KIAA1217: variants seen among roughly 807,000 people sequenced by gnomAD.
The protein encoded by KIAA1217 is KIAA1217.
Under a neutral mutation model 163.9 loss-of-function variants are expected in KIAA1217, and 88 were observed. The ratio of observed to expected loss-of-function variants is 0.54; its 90% CI spans 0.45 to 0.64. The LOEUF is 0.64. Among genes scored for constraint, KIAA1217 ranks in the 30% least tolerant of loss-of-function variants. The probability of loss-of-function intolerance (pLI) is 0.00; values close to 1 mark genes in which losing one functional copy is unlikely to be tolerated. For missense variants in KIAA1217, 2,372 were observed against 2,475.0 expected (o/e 0.96, Z 0.88); for synonymous variants, 903 against 923.1 (o/e 0.98, Z 0.39).
intron 5 of KIAA1217, among the ~76,000 whole-genome samples, chr10:24,461,367 G>A (rs2062389985): frequency 6.6e-6 from 1 of 151,872 alleles, no homozygotes; most frequent in East Asian, 1.9e-4. Context: ...TTGTTTTGGT[G>A]GTGGGGAGAC....
In KIAA1217 at chr10:24,544,251, A is replaced by C. The variant is rs771217749; in HGVS notation, c.4981A>C (p.Asn1661His). The C allele has an allele frequency of 1.2e-6, 2 of 1,614,164 alleles. No homozygotes were observed. The highest frequency in any genetic ancestry group is 3.3e-5 in the Admixed American group (2 of 60,018). The change falls in exon 19 of 21, where the codon AAC (asparagine) becomes CAC (histidine). Residue 1661 changes from asparagine to histidine, a missense_variant. Physicochemically the swap from Asn to His is moderately conservative, Grantham distance 68. Transcript: ENST00000376454. ...PISRTDEIRK[N>H]TYRTLDSLEQ... ...TTCAAGAACTGATGAAATTAGAAAA[A>C]ACACCTACAGAACATTGGATAGCCT... is the stretch of plus-strand genomic sequence containing the variant.
At chr10:24,134,647 C>T (rs2063770363) in intron 2 of KIAA1217, among the ~76,000 whole-genome samples, 1 of 152,150 alleles carries the variant, frequency 6.6e-6, no homozygotes, top group Admixed American at 6.5e-5. Context: ...GATCAGAGCT[C>T]ACTGCAGCCT....
chr10:24,122,008 A>G (rs2063299955), intron 2 of KIAA1217, among the ~76,000 whole-genome samples: 1 of 152,100 alleles, frequency 6.6e-6, no homozygotes, highest in Non-Finnish European at 1.5e-5. Context: ...TTATTTTTTA[A>G]TTTCAATTTT....
At chr10:24,144,348 A>C (rs1001682979) in intron 2 of KIAA1217, among the ~76,000 whole-genome samples, 2 of 152,246 alleles carry the variant, frequency 1.3e-5, no homozygotes, top group African/African-American at 4.8e-5. Context: ...AGGGAAATAG[A>C]AGAGCAGATA....
chr10:24,496,391 T>C (rs989197354), intron 8 of KIAA1217, among the ~76,000 whole-genome samples: 1 of 152,264 alleles, frequency 6.6e-6, no homozygotes, highest in African/African-American at 2.4e-5. Context: ...AATTCATTCA[T>C]TTTTTAAAAT....
At chr10:23,736,486 T>C (rs947305412) in intron 1 of KIAA1217, among the ~76,000 whole-genome samples, 6 of 152,182 alleles carry the variant, frequency 3.9e-5, no homozygotes, top group African/African-American at 1.4e-4. Flanking sequence ...AGTGTGACAC[T>C]ATGGTAATTA....
chr10:24,018,125 C>G (rs1847570969), intron 2 of KIAA1217, among the ~76,000 whole-genome samples: 1 of 151,670 alleles, frequency 6.6e-6, no homozygotes, highest in Admixed American at 6.6e-5. Context: ...ACCTTAAACC[C>G]AAGCTTCATA....
chr10:24,371,082 C>A (rs2051580696), intron 2 of KIAA1217, among the ~76,000 whole-genome samples: 1 of 152,256 alleles, frequency 6.6e-6, no homozygotes, highest in Middle Eastern at 3.4e-3. Context: ...CTTTAAATAG[C>A]TTTTGTCTCA....
intron 5 of KIAA1217, among the ~76,000 whole-genome samples, chr10:24,457,276 C>T (rs2061889522): frequency 6.6e-6 from 1 of 151,930 alleles, no homozygotes; most frequent in Admixed American, 6.6e-5. Flanking sequence ...CAGCCTGCAG[C>T]TTGATTCTTT....
At chr10:23,962,746 C>G (rs1467931828) in intron 1 of KIAA1217, among the ~76,000 whole-genome samples, 1 of 152,150 alleles carries the variant, frequency 6.6e-6, no homozygotes, top group Non-Finnish European at 1.5e-5. Context: ...AAATTCTAGT[C>G]CAGATTCTAC....
chr10:24,461,897 G>T (rs2132620118), intron 5 of KIAA1217, among the ~76,000 whole-genome samples: 1 of 152,236 alleles, frequency 6.6e-6, no homozygotes, highest in East Asian at 1.9e-4. Context: ...TCTGTGGGTG[G>T]TGCATGCATC....
chr10:24,080,864 T>C (rs2061516824), intron 2 of KIAA1217, among the ~76,000 whole-genome samples: 4 of 152,196 alleles, frequency 2.6e-5, no homozygotes, highest in Admixed American at 2.6e-4. Context: ...ATCTTAACGT[T>C]TGTCAAAATT....
At chr10:24,403,271 T>C (rs936042758) in intron 3 of KIAA1217, among the ~76,000 whole-genome samples, 2 of 152,170 alleles carry the variant, frequency 1.3e-5, no homozygotes, top group African/African-American at 4.8e-5. Flanking sequence ...AAAGTTTTGC[T>C]CTTGTTGCCC....
At chr10:23,991,895 T>C (rs1041004712) in intron 1 of KIAA1217, among the ~76,000 whole-genome samples, 23 of 152,300 alleles carry the variant, frequency 1.5e-4, no homozygotes, top group Middle Eastern at 6.8e-3. Flanking sequence ...AGAACTTGAC[T>C]ACTAGGCTGA....
At chr10:23,806,789 T>C (rs1199827707) in intron 1 of KIAA1217, among the ~76,000 whole-genome samples, 3 of 152,232 alleles carry the variant, frequency 2.0e-5, no homozygotes, top group African/African-American at 7.2e-5. Context: ...GCCTTCACTG[T>C]ACATTTTCGA....
At chr10:23,949,497 A>G (rs1844230505) in intron 1 of KIAA1217, among the ~76,000 whole-genome samples, 2 of 152,232 alleles carry the variant, frequency 1.3e-5, no homozygotes, top group Admixed American at 1.3e-4. Flanking sequence ...TGTACAGAAT[A>G]ACATTACAAA....
intron 2 of KIAA1217, among the ~76,000 whole-genome samples, chr10:24,053,028 G>C (rs1444276823): frequency 6.6e-6 from 1 of 152,084 alleles, no homozygotes; most frequent in Non-Finnish European, 1.5e-5. Flanking sequence ...TAACTATTAT[G>C]GTTTCTCAAG....
intron 2 of KIAA1217, among the ~76,000 whole-genome samples, chr10:24,054,829 A>G (rs1849770369): frequency 6.6e-6 from 1 of 152,220 alleles, no homozygotes. Context: ...CAATTGTAAC[A>G]CAACGGTAAG....
chr10:24,308,997 C>A (rs1395692133), intron 2 of KIAA1217, among the ~76,000 whole-genome samples: 2 of 151,796 alleles, frequency 1.3e-5, no homozygotes, highest in Admixed American at 1.3e-4. Flanking sequence ...GTGGCTAATG[C>A]CTGTAATCCC....
Sources: allele counts gnomAD v4.1 joint callset (sites outside exome capture counted in the v4.1 genomes callset), GRCh38; gene constraint gnomAD v4.1.1; transcripts MANE v1.5; gene names NCBI Gene and HGNC (gene_info 2026-07-23, HGNC 2026-07-21).